UNC79: variants seen among roughly 807,000 people sequenced by gnomAD.
The protein encoded by UNC79 is protein unc-79 homolog.
In UNC79, 37 loss-of-function variants were observed where a neutral mutation model predicts 283.1. The observed-to-expected ratio is 0.13, with a 90% CI of 0.10 to 0.17. The LOEUF (loss-of-function observed/expected upper bound fraction) is 0.17. Ranked by LOEUF, UNC79 falls within the 10% of genes least tolerant of loss-of-function variation. UNC79 has a pLI of 1.00. For missense variants in UNC79, 2,272 were observed against 3,211.1 expected (o/e 0.71, Z 7.07); for synonymous variants, 1,107 against 1,200.2 (o/e 0.92, Z 1.61).
chr14:93,698,191 G>A (rs964607559), intron 47 of UNC79, among the ~76,000 whole-genome samples: 1 of 152,102 alleles, frequency 6.6e-6, no homozygotes, highest in African/African-American at 2.4e-5. Flanking sequence ...AGAAAAGAAT[G>A]TGTCTTCTGC....
intron 2 of UNC79, 98 bp downstream of exon 2, chr14:93,467,889 GC>G (rs1208395494): frequency 7.5e-7 from 1 of 1,336,152 alleles, no homozygotes; most frequent in African/African-American, 1.5e-5. Context: ...GTTTTAAAGG[GC>G]CTATGTTTTC....
chr14:93,455,571 C>A (rs1312782122), intron 1 of UNC79, among the ~76,000 whole-genome samples: 1 of 151,978 alleles, frequency 6.6e-6, no homozygotes, highest in Non-Finnish European at 1.5e-5. Flanking sequence ...ATCTTCTTTA[C>A]TCCACAGGTT....
intron 14 of UNC79, among the ~76,000 whole-genome samples, chr14:93,558,593 A>ATTTTTTTTTTTTTTTTTTTTTTTTTTTTT (rs71129647): frequency 1.6e-5 from 1 of 62,764 alleles, no homozygotes; most frequent in African/African-American, 7.4e-5. Flanking sequence ...AGAAACAGGG[A>ATTTTTTTTTTTTTTTTTTTTTTTTTTTTT]TTTTTTTTTT....
At chr14:93,473,977 CT>C in intron 2 of UNC79, 111 bp from the exon 3 acceptor site, 3 of 1,323,204 alleles carry the variant, frequency 2.3e-6, no homozygotes, top group Non-Finnish European at 3.0e-6. Context: ...GCAATTGCAT[CT>C]TATGTGGAAT....
exon 30 of UNC79, chr14:93,622,420 A>G (rs1370015465): frequency 3.7e-6 from 6 of 1,614,172 alleles, no homozygotes; most frequent in Admixed American, 1.7e-5. Context: ...CCTCAAAGCC[A>G]GAGGAGCTGC....
chr14:93,596,150 T>C (rs1230317568), intron 23 of UNC79, among the ~76,000 whole-genome samples: 1 of 152,194 alleles, frequency 6.6e-6, no homozygotes, highest in Non-Finnish European at 1.5e-5. Flanking sequence ...ATATGTCATA[T>C]AATGAGCACA....
chr14:93,583,624 G>A (rs1037827445), intron 20 of UNC79, among the ~76,000 whole-genome samples: 1 of 152,148 alleles, frequency 6.6e-6, no homozygotes, highest in Non-Finnish European at 1.5e-5. Context: ...AGGTGAGCTG[G>A]TTCACTGGTT....
At chr14:93,520,611 A>T (rs1388057813) in intron 7 of UNC79, among the ~76,000 whole-genome samples, 1 of 151,966 alleles carries the variant, frequency 6.6e-6, no homozygotes, top group African/African-American at 2.4e-5. Context: ...AGTTCACTGT[A>T]TCTCTATTTT....
intron 24 of UNC79, among the ~76,000 whole-genome samples, chr14:93,598,171 T>C (rs376056381): frequency 1.1e-4 from 17 of 152,188 alleles, no homozygotes; most frequent in Admixed American, 4.6e-4. Flanking sequence ...CTTTTTTTTT[T>C]GTAGAGACAG....
chr14:93,516,416 A>C (rs991096001), intron 7 of UNC79, among the ~76,000 whole-genome samples: 2 of 127,542 alleles, frequency 1.6e-5, no homozygotes, highest in African/African-American at 6.1e-5. Context: ...TCAGTTTGTA[A>C]TTTCTACAAA....
At chr14:93,650,231 TC>T (rs1298610562) in intron 35 of UNC79, among the ~76,000 whole-genome samples, 3 of 152,182 alleles carry the variant, frequency 2.0e-5, no homozygotes, top group Non-Finnish European at 4.4e-5. Context: ...CTAGGTTTTT[TC>T]AGTTGGGGGG....
chr14:93,516,300 C>T lies in UNC79; in HGVS notation c.899-7678C>T, dbSNP rs1469248388. Among the ~76,000 whole-genome samples, 3 of 151,822 alleles carry T rather than the reference C, an allele frequency of 2.0e-5. No individual in the cohort carries two copies. The East Asian group carries it at 5.8e-4, about 29-fold the overall frequency. ...TTTGCTCTTTTAAAAATTTTATGGG[C>T]TATTTTAATACATAAAATTATGTAG... On this transcript the variant is annotated intron_variant, in intron 7 of 48. Transcript: ENST00000555664.
intron 33 of UNC79, among the ~76,000 whole-genome samples, chr14:93,641,617 C>A (rs956698289): frequency 2.0e-5 from 3 of 152,286 alleles, no homozygotes; most frequent in South Asian, 4.1e-4. Context: ...AGCGCCACTA[C>A]ACTCCTGCCT....
intron 1 of UNC79, among the ~76,000 whole-genome samples, chr14:93,376,862 T>C (rs2054570106): frequency 6.8e-6 from 1 of 148,056 alleles, no homozygotes; most frequent in African/African-American, 2.5e-5. Context: ...AATTTAATTA[T>C]ATATAAAAAT....
In UNC79 at chr14:93,421,616, C is replaced by T. The variant is rs1391932078; in HGVS notation, c.-350-46055C>T. ...ATACATCCTATGAGGCCAATATTAC[C>T]CTGATACTAAACCAGACAAAGAAAC... On this transcript the variant is annotated intron_variant, in intron 1 of 49. Coordinates refer to the UNC79 transcript ENST00000256339. 1.3e-5 allele frequency among the ~76,000 whole-genome samples: 2 copies of T among 151,232 alleles called. 1 individual carries two copies. Among genetic ancestry groups the T allele is most frequent in the Non-Finnish European group, 3.0e-5 (2 of 67,738 alleles).
rs961400301 is a variant in UNC79, at chr14:93,347,425, G to A, written c.-351+13902G>A. The A allele has an allele frequency of 2.7e-6, 4 of 1,460,798 alleles. No individual in the cohort carries two copies. The African/African-American group carries it at 4.4e-5, about 16-fold the overall frequency. The allele number at this position is 1,460,798 out of a possible 1,614,324, so 90.5% of individuals were successfully genotyped here. A position where few individuals can be genotyped will look rare whatever the true frequency, so the allele number is the denominator to read the frequency against. On this transcript the variant is annotated intron_variant, in intron 1 of 49. Coordinates refer to the UNC79 transcript ENST00000256339. ...TTGAGGCCCAGCCATCATGGTGGGC[G>A]GGAAGCGCGTGGCCCTGGCGGGGCG...
intron 1 of UNC79, among the ~76,000 whole-genome samples, chr14:93,340,808 G>C (rs2053692921): frequency 6.6e-6 from 1 of 152,102 alleles, no homozygotes; most frequent in South Asian, 2.1e-4. Context: ...CTGGGCTCAA[G>C]CAATCTGCCC....
At chr14:93,529,446 A>AAT (rs936086735) in intron 10 of UNC79, 120 bp downstream of exon 10, 311 of 1,067,072 alleles carry the variant, frequency 2.9e-4, no homozygotes, top group Non-Finnish European at 9.3e-5. Flanking sequence ...GTATTGTATG[A>AAT]ATATTCATTG....
chr14:93,541,445 T>C lies in UNC79; in HGVS notation c.1524+614T>C, dbSNP rs148949660. Reference sequence around the variant, plus strand: ...GAGAAGCAGGCTTTTGTTTTGCTCATTGGAGACATTAATTCAGTCTCCATA... The same window carrying C: ...GAGAAGCAGGCTTTTGTTTTGCTCACTGGAGACATTAATTCAGTCTCCATA... On this transcript the variant is annotated intron_variant, in intron 13 of 48. Coordinates refer to ENST00000555664, the Ensembl canonical transcript of UNC79. 2.0e-3 allele frequency among the ~76,000 whole-genome samples: 306 copies of C among 152,346 alleles called. 1 individual carries two copies. Among genetic ancestry groups the C allele is most frequent in the African/African-American group, 6.7e-3 (279 of 41,576 alleles).
Sources: allele counts gnomAD v4.1 joint callset (sites outside exome capture counted in the v4.1 genomes callset), GRCh38; gene constraint gnomAD v4.1.1; transcripts MANE v1.5; gene names NCBI Gene and HGNC (gene_info 2026-07-23, HGNC 2026-07-21).